Variants in GAS6 observed in about 807,000 individuals in gnomAD.
GAS6 encodes growth arrest specific 6.
In GAS6, 41 loss-of-function variants were observed where a neutral mutation model predicts 75.8. That is an observed-to-expected ratio of 0.54 (90% CI 0.42 to 0.70). GAS6 has a LOEUF of 0.70. Among genes scored for constraint, GAS6 ranks in the 30% least tolerant of loss-of-function variants. The pLI is 0.00. For synonymous variants in GAS6, 432 were observed against 412.6 expected (o/e 1.05, Z -0.57); for missense variants, 854 against 940.2 (o/e 0.91, Z 1.20).
chr13:113,862,660 G>C lies in GAS6; in HGVS notation c.255+915C>G, dbSNP rs1017052245. Among the ~76,000 whole-genome samples the C allele has an allele frequency of 2.6e-5, 4 of 152,220 alleles. No individual in the cohort carries two copies. In the East Asian group the frequency reaches 7.7e-4, roughly 29 times the overall value. On this transcript the variant is annotated intron_variant, in intron 2 of 14. Transcript: ENST00000327773. ...CAGCCTCAGAGCTTTCAGAAAGGCA[G>C]ATCTAAGAGGGGTCAAGTCAACCAC...
rs995380847 is a variant in GAS6 at position 113,845,777 on chromosome 13, G to A, written c.343+750C>T. On this transcript the variant is annotated intron_variant, in intron 4 of 14. Transcript: ENST00000327773. The surrounding 1 kb of genome is among the most constrained non-coding windows in gnomAD (Gnocchi z 4.3). Reference sequence around the variant, plus strand: ...AAAAAAAAAACCTGAAATGACTGATGTCATTTCTCGCCTGTTACATTGGAA... The same window carrying A: ...AAAAAAAAAACCTGAAATGACTGATATCATTTCTCGCCTGTTACATTGGAA... 3.3e-5 allele frequency: 5 copies of A among 150,336 alleles called. No homozygotes were observed. The highest frequency in any genetic ancestry group is 7.4e-5 in the Non-Finnish European group (5 of 67,744). 9.3% of individuals were successfully genotyped at this position (150,336 alleles called of 1,614,324 possible). A position where few individuals can be genotyped will look rare whatever the true frequency, so the allele number is the denominator to read the frequency against.
chr13:113,845,135 G>C lies in GAS6; in HGVS notation c.343+1392C>G, dbSNP rs750102691. ...CACCTGGCTACTGTGCATGGTTGCA[G>C]GTCAGGGCAGGCCGGGCCACAGGGC... On this transcript the variant is annotated intron_variant, in intron 4 of 14. Coordinates refer to ENST00000327773, the MANE Select transcript of GAS6 (RefSeq NM_000820.4). The surrounding 1 kb of genome is among the most constrained non-coding windows in gnomAD (Gnocchi z 4.3). 1 of 150,824 alleles carries C rather than the reference G, an allele frequency of 6.6e-6. No individual in the cohort carries two copies. Among genetic ancestry groups the C allele is most frequent in the Non-Finnish European group, 1.5e-5 (1 of 68,066 alleles). 9.3% of individuals were successfully genotyped at this position (150,824 alleles called of 1,614,324 possible). A position where few individuals can be genotyped will look rare whatever the true frequency, so the allele number is the denominator to read the frequency against.
chr13:113,854,578 T>C (rs1174501947), intron 2 of GAS6, among the ~76,000 whole-genome samples: 4 of 152,224 alleles, frequency 2.6e-5, no homozygotes, highest in African/African-American at 9.6e-5. Context: ...ACATTCAGCA[T>C]GTGAGCGTGG....
At chr13:113,860,443 TAA>T (rs1260904940) in intron 2 of GAS6, among the ~76,000 whole-genome samples, 1 of 152,100 alleles carries the variant, frequency 6.6e-6, no homozygotes. Flanking sequence ...TGGGCTGGGA[TAA>T]GTCTCTAGTC....
At chr13:113,835,292 GGTTC>G (rs575505803) in intron 7 of GAS6, among the ~76,000 whole-genome samples, 1 of 152,222 alleles carries the variant, frequency 6.6e-6, no homozygotes, top group Non-Finnish European at 1.5e-5. Flanking sequence ...GCATGTGTGC[GGTTC>G]GTTCATGTGC....
At chr13:113,856,267 A>G (rs1192670735) in intron 2 of GAS6, among the ~76,000 whole-genome samples, 1 of 152,170 alleles carries the variant, frequency 6.6e-6, no homozygotes, top group African/African-American at 2.4e-5. Flanking sequence ...CACACAGAGG[A>G]GCACACAGTG....
At chr13:113,822,313 C>T in intron 13 of GAS6, 127 bp from the exon 14 acceptor site, 1 of 694,958 alleles carries the variant, frequency 1.4e-6, no homozygotes. Context: ...GGGTTCCCTG[C>T]AGCCCTGGGT....
intron 12 of GAS6, among the ~76,000 whole-genome samples, chr13:113,826,130 G>A (rs2051535073): frequency 6.6e-6 from 1 of 152,200 alleles, no homozygotes; most frequent in African/African-American, 2.4e-5. Context: ...GGGGAGGGCG[G>A]CAGCGTGGCG....
chr13:113,820,591 G>A lies in GAS6; in HGVS notation c.*273C>T, dbSNP rs2138605240. 1 of 453,256 alleles carries A rather than the reference G, an allele frequency of 2.2e-6. No homozygotes were observed. Among genetic ancestry groups the A allele is most frequent in the African/African-American group, 1.9e-5 (1 of 52,164 alleles). 28.1% of individuals were successfully genotyped at this position (453,256 alleles called of 1,614,324 possible). On this transcript the variant is annotated 3_prime_UTR_variant, in exon 15 of 15. Transcript: ENST00000327773. Reference sequence around the variant, plus strand: ...AATATTTTATTTTCCATATTTTAGAGTCAGAAAGAAGCGCTTGGTAATAAA... The same window carrying A: ...AATATTTTATTTTCCATATTTTAGAATCAGAAAGAAGCGCTTGGTAATAAA...
chr13:113,826,071 G>A (rs903883862), intron 12 of GAS6, among the ~76,000 whole-genome samples: 17 of 152,162 alleles, frequency 1.1e-4, no homozygotes, highest in Admixed American at 2.0e-4. Context: ...GGCAGGGTGG[G>A]GCCGAGCAGT....
rs200826379 is a variant in GAS6, at chr13:113,863,745, C to T, written c.89-4G>A. On this transcript the variant is annotated splice_polypyrimidine_tract_variant and splice_region_variant and intron_variant, in intron 1 of 14. Coordinates refer to ENST00000327773, the MANE Select transcript of GAS6 (RefSeq NM_000820.4). The surrounding 1 kb of genome is among the most constrained non-coding windows in gnomAD (Gnocchi z 9.4). Reference sequence around the variant, plus strand: ...TCGCGCGCCGGCAACAGCGCGGCTGCCCGGAGGGAGAGAGGGGGACGCGTC... The same window carrying T: ...TCGCGCGCCGGCAACAGCGCGGCTGTCCGGAGGGAGAGAGGGGGACGCGTC... 196 of 1,488,858 alleles carry T rather than the reference C, an allele frequency of 1.3e-4. 1 individual carries two copies. The East Asian group carries it at 5.6e-3, about 43-fold the overall frequency. The allele number at this position is 1,488,858 out of a possible 1,614,324, so 92.2% of individuals were successfully genotyped here.
intron 5 of GAS6, among the ~76,000 whole-genome samples, chr13:113,838,743 G>C (rs1183997712): frequency 7.5e-5 from 11 of 146,256 alleles, no homozygotes; most frequent in Admixed American, 4.8e-4. Flanking sequence ...AAGGAGCCGG[G>C]GGGGTGCACA....
At chr13:113,833,019 A>G in intron 8 of GAS6, 2 of 1,362,314 alleles carry the variant, frequency 1.5e-6, no homozygotes, top group Non-Finnish European at 1.9e-6. Context: ...TTGACCCTTT[A>G]TTTTTAAATT....
At chr13:113,846,077 G>T (rs538412456) in intron 4 of GAS6, among the ~76,000 whole-genome samples, 1 of 152,366 alleles carries the variant, frequency 6.6e-6, no homozygotes, top group East Asian at 1.9e-4. Context: ...GCACCGGCTG[G>T]AAATGCCAGC....
At position 113,842,489 on chromosome 13, in the gene GAS6, C is replaced by T. The variant is rs527251251; in HGVS notation, c.344-2639G>A. 11 of 395,868 alleles carry T rather than the reference C, an allele frequency of 2.8e-5. 2 individuals carry two copies. The South Asian group carries it at 5.5e-4, about 20-fold the overall frequency. 24.5% of individuals were successfully genotyped at this position (395,868 alleles called of 1,614,324 possible). ...CCCCATCCCTGACACTGCTGTCGCCCGGCTGTACCTGGGTGCTGTGTCCGC... is the reference window on the plus strand; with the variant it reads ...CCCCATCCCTGACACTGCTGTCGCCTGGCTGTACCTGGGTGCTGTGTCCGC... On this transcript the variant is annotated intron_variant, in intron 4 of 14. Transcript: ENST00000327773.
chr13:113,853,155 A>G (rs907552844), intron 2 of GAS6, among the ~76,000 whole-genome samples: 1 of 152,244 alleles, frequency 6.6e-6, no homozygotes, highest in Admixed American at 6.5e-5. Flanking sequence ...CAGTGCATTA[A>G]CAAGACAGGA....
intron 4 of GAS6, chr13:113,841,767 C>CCAGTTTCCTCCATACGCCCCA (rs1566367129): frequency 1.5e-5 from 1 of 66,686 alleles, no homozygotes; most frequent in Non-Finnish European, 3.0e-5. Flanking sequence ...CATACGCCCC[C>CCAGTTTCCTCCATACGCCCCA]CAGTTTCCTC....
intron 7 of GAS6, 143 bp from the exon 8 acceptor site, chr13:113,834,815 G>A (rs1704894017): frequency 1.7e-5 from 15 of 883,694 alleles, no homozygotes; most frequent in African/African-American, 6.9e-5. Context: ...CTTGGGGGTC[G>A]CGTCCCCCCC....
chr13:113,829,788 G>A (rs534640418), intron 10 of GAS6, among the ~76,000 whole-genome samples: 4 of 151,724 alleles, frequency 2.6e-5, no homozygotes, highest in Middle Eastern at 3.4e-3. Flanking sequence ...CAATCTCAGG[G>A]AGGCCACCTG....
Sources: gnomAD v4.1 joint callset for allele counts (sites outside exome capture counted in the v4.1 genomes callset) on GRCh38, gnomAD v4.1.1 for gene constraint, Gnocchi (gnomAD v3.1) non-coding constraint, MANE v1.5 for transcripts, NCBI Gene and HGNC (gene_info 2026-07-23, HGNC 2026-07-21) for gene names.